FOXP1: variants seen among roughly 807,000 people sequenced by gnomAD.
The protein encoded by FOXP1 is forkhead box P1.
A neutral mutation model predicts 98.2 loss-of-function variants in FOXP1; 15 were observed. The ratio of observed to expected loss-of-function variants is 0.15; its 90% CI spans 0.10 to 0.24. The LOEUF is 0.24. Ranked by LOEUF, FOXP1 falls within the 10% of genes least tolerant of loss-of-function variation. FOXP1 has a pLI of 1.00. For synonymous variants in FOXP1, 371 were observed against 314.5 expected (o/e 1.18, Z -1.90); for missense variants, 633 against 848.5 (o/e 0.75, Z 3.15).
intron 6 of FOXP1, among the ~76,000 whole-genome samples, chr3:71,141,915 G>A (rs930872088): frequency 2.0e-5 from 3 of 152,228 alleles, no homozygotes; most frequent in Admixed American, 6.5e-5. Flanking sequence ...CCAAGGAGCA[G>A]AAAGAAGGTT....
chr3:71,508,269 T>G (rs1159006979), intron 2 of FOXP1, among the ~76,000 whole-genome samples: 1 of 152,232 alleles, frequency 6.6e-6, no homozygotes, highest in East Asian at 1.9e-4. Flanking sequence ...GGTTTTTAGA[T>G]TCTTTACATT....
chr3:71,211,987 G>A (rs1039348112), intron 5 of FOXP1, among the ~76,000 whole-genome samples: 14 of 152,186 alleles, frequency 9.2e-5, no homozygotes, highest in African/African-American at 3.4e-4. Context: ...TATAATGCAT[G>A]TTATAAAACC....
chr3:71,075,361 TACCA>T (rs568978976), intron 7 of FOXP1, among the ~76,000 whole-genome samples: 112 of 152,348 alleles, frequency 7.4e-4, no homozygotes, highest in South Asian at 4.1e-3. Context: ...TATTACTACA[TACCA>T]CTTTTCCTTC....
intron 6 of FOXP1, among the ~76,000 whole-genome samples, chr3:71,160,868 C>T (rs937861274): frequency 6.6e-6 from 1 of 152,146 alleles, no homozygotes; most frequent in African/African-American, 2.4e-5. Context: ...GATCATCTTT[C>T]CCCCAACCTC....
intron 7 of FOXP1, among the ~76,000 whole-genome samples, chr3:71,087,445 A>G (rs2055256609): frequency 6.6e-6 from 1 of 152,222 alleles, no homozygotes; most frequent in Non-Finnish European, 1.5e-5. Context: ...AGGTACTCTG[A>G]CCATTTCCTT....
chr3:70,971,769 G>A (rs989290044), intron 18 of FOXP1: 6 of 362,080 alleles, frequency 1.7e-5, no homozygotes, highest in East Asian at 4.3e-5. Context: ...TAGGGTCCCC[G>A]TAAGCTGCTG....
chr3:71,525,661 T>C (rs1236154881), intron 2 of FOXP1, among the ~76,000 whole-genome samples: 1 of 152,230 alleles, frequency 6.6e-6, no homozygotes, highest in African/African-American at 2.4e-5. Flanking sequence ...TATTTCATAA[T>C]CTTGCTGAGG....
chr3:71,550,587 C>T (rs1351073432), intron 2 of FOXP1, among the ~76,000 whole-genome samples: 1 of 151,952 alleles, frequency 6.6e-6, no homozygotes, highest in Non-Finnish European at 1.5e-5. Context: ...TGAAAGTGAC[C>T]AATTTAACTT....
chr3:71,038,497 T>C (rs568563337), intron 11 of FOXP1, among the ~76,000 whole-genome samples: 6 of 152,334 alleles, frequency 3.9e-5, no homozygotes, highest in African/African-American at 1.4e-4. Flanking sequence ...CTGAGACAAC[T>C]GGCACATCAG....
intron 3 of FOXP1, among the ~76,000 whole-genome samples, chr3:71,397,088 A>ATATACATATACATATATATATGTG (rs1553871660): frequency 2.5e-3 from 16 of 6,488 alleles, no homozygotes; most frequent in South Asian, 4.4e-3. Flanking sequence ...ATATATGTGT[A>ATATACATATACATATATATATGTG]TATATATATA....
At chr3:71,101,578 G>A (rs1209559208) in intron 7 of FOXP1, among the ~76,000 whole-genome samples, 1 of 150,492 alleles carries the variant, frequency 6.6e-6, no homozygotes, top group Admixed American at 6.7e-5. Context: ...GAAGGATGGA[G>A]ACATGGCCAC....
intron 2 of FOXP1, among the ~76,000 whole-genome samples, chr3:71,499,286 C>T (rs993073280): frequency 1.3e-5 from 2 of 152,170 alleles, no homozygotes; most frequent in South Asian, 4.1e-4. Flanking sequence ...CACTTAAGGC[C>T]TAGGAGAACT....
intron 2 of FOXP1, chr3:71,574,367 TCAA>T (rs1429627839): frequency 1.3e-5 from 2 of 152,216 alleles, no homozygotes; most frequent in Non-Finnish European, 2.9e-5. Context: ...AAAAAATGTC[TCAA>T]CAACTTTTAT....
At chr3:71,505,536 C>T (rs1248431181) in intron 2 of FOXP1, among the ~76,000 whole-genome samples, 1 of 151,256 alleles carries the variant, frequency 6.6e-6, no homozygotes, top group Non-Finnish European at 1.5e-5. Flanking sequence ...AGCGATTCTC[C>T]TGCCTCAGCC....
intron 3 of FOXP1, among the ~76,000 whole-genome samples, chr3:71,427,248 A>G (rs953207120): frequency 6.6e-6 from 1 of 152,108 alleles, no homozygotes; most frequent in Admixed American, 6.5e-5. Flanking sequence ...CAAATATAGT[A>G]CTCAATCCAT....
chr3:71,159,321 T>C (rs1452654555), intron 6 of FOXP1, among the ~76,000 whole-genome samples: 1 of 151,792 alleles, frequency 6.6e-6, no homozygotes. Context: ...GTTAAAAGGG[T>C]TATGATGGTT....
At chr3:71,349,766 C>A (rs1043485172) in intron 4 of FOXP1, among the ~76,000 whole-genome samples, 5 of 152,084 alleles carry the variant, frequency 3.3e-5, no homozygotes, top group Admixed American at 6.5e-5. Context: ...CCTTTGATAA[C>A]AAGTAATATT....
chr3:71,364,143 G>A (rs879674856), intron 3 of FOXP1, among the ~76,000 whole-genome samples: 5 of 152,326 alleles, frequency 3.3e-5, no homozygotes, highest in Admixed American at 3.3e-4. Context: ...TCAAATTCTG[G>A]AATGTTGGTT....
At chr3:71,290,468 A>G (rs1304783547) in intron 5 of FOXP1, among the ~76,000 whole-genome samples, 1 of 152,164 alleles carries the variant, frequency 6.6e-6, no homozygotes, top group African/African-American at 2.4e-5. Flanking sequence ...GGCCATCATC[A>G]TATCTCACTG....
Sources: gnomAD v4.1 joint callset for allele counts (sites outside exome capture counted in the v4.1 genomes callset) on GRCh38, gnomAD v4.1.1 for gene constraint, MANE v1.5 for transcripts, NCBI Gene and HGNC (gene_info 2026-07-23, HGNC 2026-07-21) for gene names.